The following SLC12A7 variants were observed in gnomAD, a reference collection of about 807,000 sequenced individuals.
The protein encoded by SLC12A7 is K-Cl cotransporter 4.
Under a neutral mutation model 120.6 loss-of-function variants are expected in SLC12A7, and 100 were observed. The observed-to-expected ratio is 0.83, with a 90% confidence interval of 0.71 to 0.98. The LOEUF is 0.98. Ranked by LOEUF, SLC12A7 falls within the 50% of genes least tolerant of loss-of-function variation. SLC12A7 has a pLI of 0.00. For synonymous variants in SLC12A7, 760 were observed against 678.0 expected, an observed-to-expected ratio of 1.12 and a Z score of -1.88; for missense variants, 1,373 against 1,548.1, an observed-to-expected ratio of 0.89 and a Z score of 1.90.
At chr5:1,064,681 G>A (rs1469420532) in intron 18 of SLC12A7, among the ~76,000 whole-genome samples, 2 of 150,654 alleles carry the variant, frequency 1.3e-5, no homozygotes, top group East Asian at 2.0e-4. Flanking sequence ...GCGAGGAGAC[G>A]GTGAAGGGAC....
intron 17 of SLC12A7, among the ~76,000 whole-genome samples, chr5:1,069,654 T>A (rs1360769575): frequency 6.6e-6 from 1 of 152,148 alleles, no homozygotes; most frequent in Non-Finnish European, 1.5e-5. Flanking sequence ...GCCCTTGGCA[T>A]GAAAATCACG....
chr5:1,068,638 G>C (rs775070409), intron 17 of SLC12A7, among the ~76,000 whole-genome samples: 1 of 152,236 alleles, frequency 6.6e-6, no homozygotes, highest in Non-Finnish European at 1.5e-5. Context: ...GGCTCGCTGA[G>C]AGCAGCGGGG....
At chr5:1,080,099 C>G (rs1335737574) in intron 9 of SLC12A7, among the ~76,000 whole-genome samples, 1 of 152,212 alleles carries the variant, frequency 6.6e-6, no homozygotes. Flanking sequence ...TGGGAGGCAG[C>G]AGAGCCCACA....
In SLC12A7 at chr5:1,083,143, G is replaced by A. The variant is rs1161821275; in HGVS notation, c.1129+602C>T. Among the ~76,000 whole-genome samples, 19 of 57,084 alleles carry A rather than the reference G, an allele frequency of 3.3e-4. 1 individual carries two copies. The highest frequency in any genetic ancestry group is 7.6e-4 in the African/African-American group (19 of 25,056). The allele number at this position is 57,084 out of a possible 152,430, so 37.4% of individuals were successfully genotyped here. A position where few individuals can be genotyped will look rare whatever the true frequency, so the allele number is the denominator to read the frequency against. ...GCTTCCCCATCTCGGGTTCTGGGAA[G>A]TCCAGGCTTCCCGTCTCGGGTTCTG... On this transcript the variant is annotated intron_variant, in intron 8 of 23. Transcript: ENST00000264930.
intron 5 of SLC12A7, 31 bp from the exon 6 acceptor site, chr5:1,087,064 A>C (rs1234495859): frequency 5.7e-6 from 9 of 1,586,526 alleles, no homozygotes; most frequent in Middle Eastern, 1.7e-4. Flanking sequence ...GCCGCGGGTC[A>C]GGGGCGCACT....
Position 1,074,788 on chromosome 5 carries a change from T to G in SLC12A7, c.1968-117A>C, listed in dbSNP as rs959431106. On this transcript the variant is annotated intron_variant, in intron 15 of 23. Transcript: ENST00000264930. The stretch of plus-strand genomic sequence containing the variant: ...GGGCAAACAGGACCCCCAGGAAAAG[T>G]CCCTGGATGAGGAGGGAGGCCTCCA... The G allele has an allele frequency of 4.2e-6, 4 of 949,154 alleles. No homozygotes were observed. The African/African-American group carries it at 6.5e-5, about 15-fold the overall frequency. The allele number at this position is 949,154 out of a possible 1,614,324, so 58.8% of individuals were successfully genotyped here.
the SLC12A7 span, among the ~76,000 whole-genome samples, chr5:1,145,773 G>A: frequency 6.6e-6 from 1 of 152,116 alleles, no homozygotes; most frequent in Non-Finnish European, 1.5e-5. This position sits in a 1 kb window ranked among gnomAD's most constrained non-coding sequence, Gnocchi z 4.4. Context: ...TCTGCAGAAG[G>A]AAGGGGCTGG....
At chr5:1,114,212 G>A (rs1579455525), upstream of SLC12A7, among the ~76,000 whole-genome samples, 1 of 152,240 alleles carries the variant, frequency 6.6e-6, no homozygotes, top group African/African-American at 2.4e-5. Context: ...AGGGGCCATG[G>A]CTGAAGCACC....
At chr5:1,089,976 G>GT (rs550105301) in intron 3 of SLC12A7, among the ~76,000 whole-genome samples, 137 of 152,388 alleles carry the variant, frequency 9.0e-4, no homozygotes, top group Admixed American at 6.5e-3. Flanking sequence ...ACAAGGTGAC[G>GT]TTTTAACAGG....
At chr5:1,084,408 C>T (rs1739579382) in intron 7 of SLC12A7, among the ~76,000 whole-genome samples, 1 of 152,230 alleles carries the variant, frequency 6.6e-6, no homozygotes, top group African/African-American at 2.4e-5. Context: ...CCGAGGCCCT[C>T]GGCGGCGTCC....
At chr5:1,123,833 G>A in the SLC12A7 span, among the ~76,000 whole-genome samples, 5 of 152,300 alleles carry the variant, frequency 3.3e-5, no homozygotes, top group East Asian at 5.8e-4. Context: ...GACTTTCTTC[G>A]TTTGTTTCAT....
At chr5:1,061,089 T>C (rs1300343191) in intron 20 of SLC12A7, among the ~76,000 whole-genome samples, 5 of 61,230 alleles carry the variant, frequency 8.2e-5, no homozygotes, top group African/African-American at 2.8e-4. Flanking sequence ...GCATCCGCCA[T>C]GCGGAACCCC....
At chr5:1,095,001 A>AGGGTCGGTAGGAGGCGGGG (rs1554021168) in intron 1 of SLC12A7, among the ~76,000 whole-genome samples, 1 of 43,572 alleles carries the variant, frequency 2.3e-5, no homozygotes, top group Non-Finnish European at 4.6e-5. Flanking sequence ...GTTAGAAGAT[A>AGGGTCGGTAGGAGGCGGGG]GGGTCGGTAG....
chr5:1,096,123 CCT>C (rs1741109197), intron 1 of SLC12A7, among the ~76,000 whole-genome samples: 1 of 152,214 alleles, frequency 6.6e-6, no homozygotes, highest in African/African-American at 2.4e-5. Flanking sequence ...TCATTAACTC[CCT>C]GATTCTGGTG....
chr5:1,068,749 T>A (rs1737319918), intron 17 of SLC12A7, among the ~76,000 whole-genome samples: 1 of 152,242 alleles, frequency 6.6e-6, no homozygotes, highest in African/African-American at 2.4e-5. Flanking sequence ...GATCTGCCTG[T>A]GAGCTCCGTT....
At chr5:1,144,442 C>T in the SLC12A7 span, among the ~76,000 whole-genome samples, 1 of 152,224 alleles carries the variant, frequency 6.6e-6, no homozygotes, top group Admixed American at 6.5e-5. Flanking sequence ...CGCCACTGCC[C>T]CCACCCACCT....
chr5:1,110,569 G>C (rs1184491220), intron 1 of SLC12A7, among the ~76,000 whole-genome samples: 3 of 152,262 alleles, frequency 2.0e-5, no homozygotes, highest in Non-Finnish European at 4.4e-5. Context: ...GGGCCGGCCA[G>C]ACAAGAAGAG....
chr5:1,138,712 C>T, the SLC12A7 span, among the ~76,000 whole-genome samples: 1 of 152,214 alleles, frequency 6.6e-6, no homozygotes, highest in African/African-American at 2.4e-5. Flanking sequence ...TCTTTGGAGG[C>T]CACCGTTTAG....
chr5:1,058,443 G>A (rs184664358), intron 21 of SLC12A7, among the ~76,000 whole-genome samples: 299 of 152,338 alleles, frequency 2.0e-3, no homozygotes, highest in African/African-American at 6.1e-3. Flanking sequence ...TGCACACACT[G>A]GAATGGCCAC....
Sources: allele counts gnomAD v4.1 joint callset (sites outside exome capture counted in the v4.1 genomes callset), GRCh38; gene constraint gnomAD v4.1.1; non-coding constraint Gnocchi (gnomAD v3.1); transcripts MANE v1.5; gene names NCBI Gene and HGNC (gene_info 2026-07-23, HGNC 2026-07-21).